ADAMTS6: variants seen among roughly 807,000 people sequenced by gnomAD.
ADAMTS6 encodes the protein ADAM metallopeptidase with thrombospondin type 1 motif 6, also known as A disintegrin and metalloproteinase with thrombospondin motifs 6.
A neutral mutation model predicts 144.3 loss-of-function variants in ADAMTS6; 23 were observed. The ratio of observed to expected loss-of-function variants is 0.16; its 90% CI spans 0.11 to 0.23. The LOEUF (loss-of-function observed/expected upper bound fraction) is 0.23. ADAMTS6 is among the 10% of genes least tolerant of loss of function. The pLI, the probability that ADAMTS6 is intolerant of heterozygous loss-of-function variation, is 1.00. For synonymous variants in ADAMTS6, 444 were observed against 457.5 expected (o/e 0.97, Z 0.38); for missense variants, 999 against 1,379.6 (o/e 0.72, Z 4.37).
intron 12 of ADAMTS6, among the ~76,000 whole-genome samples, chr5:65,263,815 A>G (rs909659039): frequency 6.6e-6 from 1 of 152,210 alleles, no homozygotes; most frequent in African/African-American, 2.4e-5. Context: ...ACTTTGACAC[A>G]CCAAAATAAT....
chr5:65,211,644 A>G (rs866844732), intron 20 of ADAMTS6, among the ~76,000 whole-genome samples: 1 of 152,114 alleles, frequency 6.6e-6, no homozygotes. Context: ...ATAAACAAAA[A>G]AAACAAAGTA....
At chr5:65,456,426 T>A (rs1219898576) in intron 4 of ADAMTS6, among the ~76,000 whole-genome samples, 1 of 152,224 alleles carries the variant, frequency 6.6e-6, no homozygotes, top group Non-Finnish European at 1.5e-5. Context: ...AACTTTTTGA[T>A]CAATATCAAA....
intron 24 of ADAMTS6, among the ~76,000 whole-genome samples, chr5:65,158,003 T>G (rs936984982): frequency 1.3e-5 from 2 of 152,188 alleles, no homozygotes; most frequent in African/African-American, 4.8e-5. Flanking sequence ...AGTTTCTTTT[T>G]ATTTAGTCTT....
Position 65,151,827 on chromosome 5 carries a change from T to G in ADAMTS6, c.*9A>C, listed in dbSNP as rs1752151450. On this transcript the variant is annotated 3_prime_UTR_variant, in exon 25 of 25. Transcript: ENST00000381055. ...AAATGACAAGGCACTCTCTCTGGCT[T>G]TCTGTGGGTCAGTGTCCTTGGCAGG... The G allele has an allele frequency of 1.4e-5, 22 of 1,605,452 alleles. No individual in the cohort carries two copies. The highest frequency in any genetic ancestry group is 1.9e-5 in the Non-Finnish European group (22 of 1,172,834).
chr5:65,442,327 TACTC>T (rs1016290606), intron 7 of ADAMTS6, among the ~76,000 whole-genome samples: 49 of 152,202 alleles, frequency 3.2e-4, no homozygotes, highest in African/African-American at 1.2e-3. Flanking sequence ...TTCCTTGAAA[TACTC>T]AAACTACCAA....
intron 7 of ADAMTS6, among the ~76,000 whole-genome samples, chr5:65,420,105 C>A (rs1307062375): frequency 2.0e-5 from 3 of 152,136 alleles, no homozygotes; most frequent in Non-Finnish European, 2.9e-5. Context: ...CTTCTCAAGG[C>A]AGCAGGAAGA....
intron 7 of ADAMTS6, among the ~76,000 whole-genome samples, chr5:65,397,886 A>C (rs1753492529): frequency 6.6e-6 from 1 of 151,608 alleles, no homozygotes; most frequent in African/African-American, 2.4e-5. Flanking sequence ...TAAAAAAAAA[A>C]AAAAAAAAAA....
chr5:65,376,272 A>AATAAAAAC (rs1751533813), intron 7 of ADAMTS6, among the ~76,000 whole-genome samples: 1 of 152,036 alleles, frequency 6.6e-6, no homozygotes, highest in Non-Finnish European at 1.5e-5. Context: ...AATAATAAAA[A>AATAAAAAC]ATAAAAACAT....
chr5:65,292,217 A>C (rs1742382370), intron 10 of ADAMTS6, among the ~76,000 whole-genome samples: 1 of 152,160 alleles, frequency 6.6e-6, no homozygotes, highest in Non-Finnish European at 1.5e-5. Context: ...AAGAGCTTTA[A>C]ACTTTGCTAA....
intron 7 of ADAMTS6, among the ~76,000 whole-genome samples, chr5:65,429,308 C>T (rs1337243654): frequency 2.0e-5 from 3 of 152,162 alleles, no homozygotes; most frequent in East Asian, 1.9e-4. Context: ...TGTCCAATCA[C>T]GTTTCTCCAC....
chr5:65,459,945 A>T (rs1490213320), intron 4 of ADAMTS6, among the ~76,000 whole-genome samples: 1 of 152,244 alleles, frequency 6.6e-6, no homozygotes, highest in African/African-American at 2.4e-5. Flanking sequence ...TCAACCAAAA[A>T]AAGAAAATGA....
intron 7 of ADAMTS6, among the ~76,000 whole-genome samples, chr5:65,350,953 C>A (rs1748797998): frequency 6.6e-6 from 1 of 152,112 alleles, no homozygotes; most frequent in African/African-American, 2.4e-5. Context: ...CGGCCTCTAA[C>A]TTTATACATA....
Position 65,329,497 on chromosome 5 carries a change from AAG to A in ADAMTS6, c.1118-16_1118-15del. 1 of 1,599,378 alleles carries A rather than the reference AAG, an allele frequency of 6.3e-7. No homozygotes were observed. Among genetic ancestry groups the A allele is most frequent in the Non-Finnish European group, 8.5e-7 (1 of 1,173,876 alleles). Reference sequence around the variant, plus strand: ...CAGAGGCCAAGCCTGAATAAACAGAAAGAGACACAAAGGGTCAAGCCAAGGTG... The same window carrying A: ...CAGAGGCCAAGCCTGAATAAACAGAAAGACACAAAGGGTCAAGCCAAGGTG... On this transcript the variant is annotated splice_polypyrimidine_tract_variant and intron_variant, in intron 8 of 24. Transcript: ENST00000381055.
At chr5:65,190,302 A>G (rs978630891) in intron 21 of ADAMTS6, among the ~76,000 whole-genome samples, 7 of 152,300 alleles carry the variant, frequency 4.6e-5, no homozygotes, top group African/African-American at 1.7e-4. Flanking sequence ...GGGAGATTTA[A>G]AGTAATTTTC....
chr5:65,266,228 T>C (rs1761619499), intron 12 of ADAMTS6, among the ~76,000 whole-genome samples: 1 of 151,934 alleles, frequency 6.6e-6, no homozygotes, highest in Non-Finnish European at 1.5e-5. Context: ...CTAAAGTCAT[T>C]CTTTAGGTAA....
At chr5:65,403,045 AGCT>A (rs1293789389) in intron 7 of ADAMTS6, among the ~76,000 whole-genome samples, 18 of 152,028 alleles carry the variant, frequency 1.2e-4, no homozygotes, top group Admixed American at 2.6e-4. Flanking sequence ...AGTCATCAAT[AGCT>A]CCATCCCTCC....
In ADAMTS6 at chr5:65,151,788, G is replaced by T. The variant is rs191097702; in HGVS notation, c.*48C>A. On this transcript the variant is annotated 3_prime_UTR_variant, in exon 25 of 25. Transcript: ENST00000381055. Reference sequence around the variant, plus strand: ...CTCTGGGTGGCTCTCTTTGATGGATGCATTTCCATGATGAAATGACAAGGC... The same window carrying T: ...CTCTGGGTGGCTCTCTTTGATGGATTCATTTCCATGATGAAATGACAAGGC... 8 of 1,492,242 alleles carry T rather than the reference G, an allele frequency of 5.4e-6. No homozygotes were observed. In the South Asian group the frequency reaches 5.7e-5, roughly 11 times the overall value. 92.4% of individuals were successfully genotyped at this position (1,492,242 alleles called of 1,614,324 possible).
intron 11 of ADAMTS6, among the ~76,000 whole-genome samples, chr5:65,275,825 A>T (rs573178991): frequency 2.0e-5 from 3 of 152,090 alleles, no homozygotes; most frequent in Non-Finnish European, 4.4e-5. Context: ...TCAAAAATCT[A>T]TCCAAATTCA....
chr5:65,362,085 T>A (rs1485314636), intron 7 of ADAMTS6, among the ~76,000 whole-genome samples: 1 of 152,186 alleles, frequency 6.6e-6, no homozygotes, highest in Non-Finnish European at 1.5e-5. Context: ...TGGTATTAAG[T>A]AGTGGTAGTA....
Sources: gnomAD v4.1 joint callset for allele counts (sites outside exome capture counted in the v4.1 genomes callset) on GRCh38, gnomAD v4.1.1 for gene constraint, MANE v1.5 for transcripts, NCBI Gene and HGNC (gene_info 2026-07-23, HGNC 2026-07-21) for gene names.